Variants in SLC4A10 observed in about 807,000 individuals in gnomAD.
SLC4A10 encodes sodium-driven chloride bicarbonate exchanger.
Under a neutral mutation model 137.7 loss-of-function variants are expected in SLC4A10, and 42 were observed. The ratio of observed to expected loss-of-function variants is 0.30; its 90% CI spans 0.24 to 0.39. The LOEUF (loss-of-function observed/expected upper bound fraction) is 0.39, where lower values mean the gene tolerates loss of function less well. Among genes scored for constraint, SLC4A10 ranks in the 10% least tolerant of loss-of-function variants. The probability of loss-of-function intolerance (pLI) is 1.00; values close to 1 mark genes in which losing one functional copy is unlikely to be tolerated. For synonymous variants in SLC4A10, 474 were observed against 464.1 expected (o/e 1.02, Z -0.27); for missense variants, 925 against 1,355.0 (o/e 0.68, Z 4.98).
At position 161,983,315 on chromosome 2, in the gene SLC4A10, T is replaced by A. The variant is rs1700477355; in HGVS notation, c.*163T>A. 7.2e-7 allele frequency: 1 copy of A among 1,389,498 alleles called. No homozygotes were observed. Among genetic ancestry groups the A allele is most frequent in the Non-Finnish European group, 9.8e-7 (1 of 1,019,630 alleles). The allele number at this position is 1,389,498 out of a possible 1,614,324, so 86.1% of individuals were successfully genotyped here. A position where few individuals can be genotyped will look rare whatever the true frequency, so the allele number is the denominator to read the frequency against. On this transcript the variant is annotated 3_prime_UTR_variant, in exon 27 of 27. Coordinates refer to ENST00000446997, the MANE Select transcript of SLC4A10 (RefSeq NM_001178015.2). ...ACAATTATTAATAAAACTGCTTTGATCATGTATTGTAAATTCTGTCCCTCA... is the reference window on the plus strand; with the variant it reads ...ACAATTATTAATAAAACTGCTTTGAACATGTATTGTAAATTCTGTCCCTCA...
At chr2:161,650,429 G>A (rs1014820421) in intron 1 of SLC4A10, among the ~76,000 whole-genome samples, 3 of 152,264 alleles carry the variant, frequency 2.0e-5, no homozygotes, top group African/African-American at 7.2e-5. Flanking sequence ...GGCCAGGGCT[G>A]TGTGCTTGGT....
intron 1 of SLC4A10, among the ~76,000 whole-genome samples, chr2:161,629,858 A>G (rs947955002): frequency 6.6e-6 from 1 of 151,762 alleles, no homozygotes; most frequent in Non-Finnish European, 1.5e-5. Context: ...ATGTATTTTC[A>G]TGACTTGATA....
intron 1 of SLC4A10, among the ~76,000 whole-genome samples, chr2:161,691,941 G>A (rs760036861): frequency 1.8e-4 from 27 of 152,046 alleles, no homozygotes; most frequent in Non-Finnish European, 3.5e-4. Context: ...GCATTTAGAG[G>A]TCATGTACAT....
chr2:161,945,035 AC>A, intron 16 of SLC4A10, among the ~76,000 whole-genome samples: 1 of 151,106 alleles, frequency 6.6e-6, no homozygotes, highest in Non-Finnish European at 1.5e-5. Flanking sequence ...AGGGCAAAGA[AC>A]TTTAGTTTTC....
rs1028428503 is a variant in SLC4A10, at chr2:161,855,021, G to A, written c.468G>A (p.Lys156=). 1 of 1,613,244 alleles carries A rather than the reference G, an allele frequency of 6.2e-7. No individual in the cohort carries two copies. ...AAGATGGAGGAGAAAGGTGGAGCAAGCCTTATGTGGCTACTCTTTCATTGC... is the reference window on the plus strand; with the variant it reads ...AAGATGGAGGAGAAAGGTGGAGCAAACCTTATGTGGCTACTCTTTCATTGC... ...DVEDGGERWS[K]PYVATLSLHS... The change falls in exon 5 of 27, where the codon AAG becomes AAA. Residue 156 remains lysine, a synonymous_variant. Coordinates refer to ENST00000446997, the MANE Select transcript of SLC4A10 (RefSeq NM_001178015.2).
chr2:161,659,383 G>C (rs888218591), intron 1 of SLC4A10, among the ~76,000 whole-genome samples: 2 of 152,170 alleles, frequency 1.3e-5, no homozygotes, highest in Non-Finnish European at 2.9e-5. Context: ...TGGAGACTTG[G>C]AAAGGTGAGA....
At chr2:161,770,190 AAATAT>A (rs1261709994) in intron 1 of SLC4A10, among the ~76,000 whole-genome samples, 2 of 152,020 alleles carry the variant, frequency 1.3e-5, no homozygotes, top group Admixed American at 6.6e-5. Flanking sequence ...TAAAAGTTGG[AAATAT>A]AATAGTTTAC....
intron 3 of SLC4A10, among the ~76,000 whole-genome samples, chr2:161,816,125 C>T (rs540076724): frequency 1.3e-5 from 2 of 152,218 alleles, no homozygotes; most frequent in Middle Eastern, 3.4e-3. Flanking sequence ...ACCATCCTAT[C>T]TGATTTGGGT....
intron 6 of SLC4A10, among the ~76,000 whole-genome samples, chr2:161,865,315 T>C (rs1196693284): frequency 1.3e-5 from 2 of 152,074 alleles, no homozygotes; most frequent in Non-Finnish European, 2.9e-5. Context: ...CAAATCTACA[T>C]ATAGTCACAA....
At chr2:161,697,668 T>C (rs1450987194) in intron 1 of SLC4A10, among the ~76,000 whole-genome samples, 9 of 152,238 alleles carry the variant, frequency 5.9e-5, no homozygotes, top group Non-Finnish European at 2.9e-5. Context: ...GATCTATATC[T>C]CTGTTTTGGT....
At chr2:161,957,378 A>G in intron 20 of SLC4A10, 138 bp downstream of exon 20, 1 of 1,055,798 alleles carries the variant, frequency 9.5e-7, no homozygotes, top group Non-Finnish European at 1.3e-6. Context: ...AACCATGTTT[A>G]TATAATTCTT....
chr2:161,641,119 C>T (rs1048967202), intron 1 of SLC4A10, among the ~76,000 whole-genome samples: 1 of 151,918 alleles, frequency 6.6e-6, no homozygotes, highest in Non-Finnish European at 1.5e-5. Context: ...TTTTTAAGAG[C>T]AAAGTTGAAA....
rs188012256 is a variant in SLC4A10 at position 161,697,076 on chromosome 2, A to T, written c.48+72510A>T. Among the ~76,000 whole-genome samples, 62 of 152,134 alleles carry T rather than the reference A, an allele frequency of 4.1e-4. No homozygotes were observed. In the East Asian group the frequency reaches 9.7e-3, roughly 24 times the overall value. ...GACCAGTGATGATGAGCATTTTTTC[A>T]TGTGTCTTTTGGCTGCATAGATGTC... is the stretch of plus-strand genomic sequence containing the variant. On this transcript the variant is annotated intron_variant, in intron 1 of 26. Coordinates refer to ENST00000446997, the MANE Select transcript of SLC4A10 (RefSeq NM_001178015.2).
At chr2:161,937,336 C>G (rs951501780) in intron 15 of SLC4A10, among the ~76,000 whole-genome samples, 1 of 152,182 alleles carries the variant, frequency 6.6e-6, no homozygotes, top group Admixed American at 6.5e-5. Flanking sequence ...ACCAGGCCCC[C>G]CAGCACTCAG....
intron 1 of SLC4A10, among the ~76,000 whole-genome samples, chr2:161,661,218 T>C (rs2038344552): frequency 6.6e-6 from 1 of 151,858 alleles, no homozygotes; most frequent in Non-Finnish European, 1.5e-5. Context: ...CTCACGCCTG[T>C]AATCCCAGCA....
intron 3 of SLC4A10, among the ~76,000 whole-genome samples, chr2:161,830,678 AC>A (rs1236742874): frequency 6.6e-6 from 1 of 152,182 alleles, no homozygotes; most frequent in African/African-American, 2.4e-5. Flanking sequence ...CCAAAAGTGT[AC>A]AAAATACATC....
At chr2:161,840,478 A>G (rs532694336) in intron 4 of SLC4A10, among the ~76,000 whole-genome samples, 6 of 152,316 alleles carry the variant, frequency 3.9e-5, no homozygotes, top group African/African-American at 1.4e-4. Flanking sequence ...TTACATTGCT[A>G]TATAATTGAT....
chr2:161,749,078 G>A (rs2048685137), intron 1 of SLC4A10, among the ~76,000 whole-genome samples: 1 of 151,824 alleles, frequency 6.6e-6, no homozygotes. Context: ...CTCTCAGATA[G>A]ATTGTTTTTA....
intron 3 of SLC4A10, among the ~76,000 whole-genome samples, chr2:161,832,850 T>C (rs1372556730): frequency 6.6e-6 from 1 of 152,164 alleles, no homozygotes; most frequent in Non-Finnish European, 1.5e-5. Context: ...ACGCCATTCT[T>C]CTGCCTCTGC....
Sources: allele counts gnomAD v4.1 joint callset (sites outside exome capture counted in the v4.1 genomes callset), GRCh38; gene constraint gnomAD v4.1.1; transcripts MANE v1.5; gene names NCBI Gene and HGNC (gene_info 2026-07-23, HGNC 2026-07-21).